SOCS2: variants seen among roughly 807,000 people sequenced by gnomAD.
The protein encoded by SOCS2 is CIS-2.
A neutral mutation model predicts 18.6 loss-of-function variants in SOCS2; 10 were observed. The ratio of observed to expected loss-of-function variants is 0.54; its 90% CI spans 0.33 to 0.91. The LOEUF is 0.91. Among genes scored for constraint, SOCS2 ranks in the 40% least tolerant of loss-of-function variants. The pLI is 0.02. For synonymous variants in SOCS2, 104 were observed against 104.0 expected (o/e 1.00, Z 0.00); for missense variants, 231 against 247.2 (o/e 0.93, Z 0.44).
chr12:93,573,439 G>C (rs1256810733), intron 1 of SOCS2: 1 of 385,208 alleles, frequency 2.6e-6, no homozygotes, highest in Non-Finnish European at 4.6e-6. Context: ...CTGGCTCCCG[G>C]GCGGAGCTGC....
downstream of SOCS2, among the ~76,000 whole-genome samples, chr12:93,580,598 G>A (rs1954524702): frequency 7.3e-6 from 1 of 137,494 alleles, no homozygotes; most frequent in South Asian, 2.3e-4. Context: ...TCCAGCCTGG[G>A]CAACAGAGTG....
the SOCS2 span, among the ~76,000 whole-genome samples, chr12:93,590,660 G>A: frequency 6.6e-5 from 10 of 151,164 alleles, no homozygotes; most frequent in Non-Finnish European, 1.0e-4. Context: ...TGGGCGTGGT[G>A]GCACGTGCCT....
In SOCS2 at chr12:93,573,048, A is replaced by T; in HGVS notation, c.139+12A>T. ...GCTCGGTCAGACAGGTAGGGAGCCGATCGGCCGCGACGCGTGCGGGAGGGA... is the reference window on the plus strand; with the variant it reads ...GCTCGGTCAGACAGGTAGGGAGCCGTTCGGCCGCGACGCGTGCGGGAGGGA... On this transcript the variant is annotated intron_variant, in intron 1 of 1. Transcript: ENST00000551556. 3 of 1,558,306 alleles carry T rather than the reference A, an allele frequency of 1.9e-6. No individual in the cohort carries two copies. The highest frequency in any genetic ancestry group is 2.4e-5 in the East Asian group (1 of 42,480).
the SOCS2 span, among the ~76,000 whole-genome samples, chr12:93,600,882 G>A: frequency 6.6e-6 from 1 of 151,156 alleles, no homozygotes; most frequent in African/African-American, 2.4e-5. Context: ...TTAACCTCCT[G>A]GGCTCAAGGG....
chr12:93,605,781 T>C, the SOCS2 span, among the ~76,000 whole-genome samples: 10,024 of 152,282 alleles, frequency 0.066, 854 homozygotes, highest in African/African-American at 0.2. Context: ...CTAATTTTAT[T>C]CTGTCTGACA....
At chr12:93,573,520 C>A in intron 1 of SOCS2, 1 of 259,698 alleles carries the variant, frequency 3.9e-6, no homozygotes, top group Non-Finnish European at 7.2e-6. Flanking sequence ...GCCCGGGCGT[C>A]GAGAGTAGGC....
At chr12:93,574,601 C>T (rs1335119285) in intron 1 of SOCS2, 121 bp from the exon 2 acceptor site, 2 of 633,120 alleles carry the variant, frequency 3.2e-6, no homozygotes, top group Middle Eastern at 4.5e-4. Context: ...TCACACACCA[C>T]CTTTTTTTTT....
chr12:93,579,406 G>A (rs1026563853), downstream of SOCS2, among the ~76,000 whole-genome samples: 13 of 152,104 alleles, frequency 8.5e-5, no homozygotes, highest in African/African-American at 3.1e-4. Flanking sequence ...CATTCAGGTT[G>A]TGAAGCAAGT....
chr12:93,573,140 C>T lies in SOCS2; in HGVS notation c.139+104C>T. On this transcript the variant is annotated intron_variant, in intron 1 of 1. Coordinates refer to ENST00000551556, the MANE Select transcript of SOCS2 (RefSeq NM_001270471.2). Reference sequence around the variant, plus strand: ...GGAAGCAAAGAATAAGATGGAAATACGTCCCTTGCTTCCAAGGGACCGCGG... The same window carrying T: ...GGAAGCAAAGAATAAGATGGAAATATGTCCCTTGCTTCCAAGGGACCGCGG... 5.7e-6 allele frequency: 8 copies of T among 1,411,344 alleles called. 1 individual carries two copies. In the Middle Eastern group the frequency reaches 5.2e-4, roughly 93 times the overall value. 87.4% of individuals were successfully genotyped at this position (1,411,344 alleles called of 1,614,324 possible).
chr12:93,571,514 G>C (rs1346498550), upstream of SOCS2: 20 of 164,572 alleles, frequency 1.2e-4, no homozygotes, highest in Non-Finnish European at 1.7e-4. Context: ...CCTCCCCACC[G>C]GCCTGCCTCC....
chr12:93,596,599 G>A, the SOCS2 span, among the ~76,000 whole-genome samples: 3 of 152,088 alleles, frequency 2.0e-5, no homozygotes, highest in Admixed American at 1.3e-4. Flanking sequence ...AGGCTGAGGC[G>A]GGCAGATCAC....
chr12:93,588,874 G>A, the SOCS2 span, among the ~76,000 whole-genome samples: 20 of 151,970 alleles, frequency 1.3e-4, no homozygotes, highest in East Asian at 1.9e-4. Context: ...CACCCGCCTC[G>A]GCCTCCCAAA....
chr12:93,597,777 C>G, the SOCS2 span, among the ~76,000 whole-genome samples: 1 of 152,254 alleles, frequency 6.6e-6, no homozygotes, highest in East Asian at 1.9e-4. Flanking sequence ...TATTTTAAGG[C>G]ATCTTTGTCC....
At chr12:93,609,099 A>T in the SOCS2 span, among the ~76,000 whole-genome samples, 1 of 152,120 alleles carries the variant, frequency 6.6e-6, no homozygotes, top group African/African-American at 2.4e-5. Context: ...GTCTCTATTT[A>T]AAAATAAATA....
the SOCS2 span, among the ~76,000 whole-genome samples, chr12:93,614,012 G>T: frequency 1.3e-5 from 2 of 151,956 alleles, no homozygotes; most frequent in African/African-American, 4.8e-5. Flanking sequence ...AAAGGTCCTT[G>T]TTAGCCCACA....
chr12:93,595,007 A>C, the SOCS2 span, among the ~76,000 whole-genome samples: 4 of 152,296 alleles, frequency 2.6e-5, no homozygotes, highest in East Asian at 5.8e-4. Context: ...TGACTTCCTT[A>C]CGTTTGTAAA....
chr12:93,616,402 C>T, the SOCS2 span, among the ~76,000 whole-genome samples: 1 of 152,066 alleles, frequency 6.6e-6, no homozygotes, highest in Non-Finnish European at 1.5e-5. Flanking sequence ...CATTGGAGAC[C>T]CTGATACAAC....
At chr12:93,577,554 G>A (rs142141849), downstream of SOCS2, among the ~76,000 whole-genome samples, 21 of 151,632 alleles carry the variant, frequency 1.4e-4, no homozygotes, top group East Asian at 3.9e-3. Context: ...GAGGAATTGG[G>A]AAGAGCAAAT....
chr12:93,580,927 C>T (rs1798775830), downstream of SOCS2, among the ~76,000 whole-genome samples: 1 of 152,164 alleles, frequency 6.6e-6, no homozygotes, highest in South Asian at 2.1e-4. Flanking sequence ...ACACATCTAG[C>T]CAATAGTTTC....
Sources: gnomAD v4.1 joint callset for allele counts (sites outside exome capture counted in the v4.1 genomes callset) on GRCh38, gnomAD v4.1.1 for gene constraint, MANE v1.5 for transcripts, NCBI Gene and HGNC (gene_info 2026-07-23, HGNC 2026-07-21) for gene names.